LRRTM4: variants seen among roughly 807,000 people sequenced by gnomAD.
LRRTM4 encodes leucine-rich repeat transmembrane neuronal protein 4.
In LRRTM4, 25 loss-of-function variants were observed where a neutral mutation model predicts 47.6. That is an observed-to-expected ratio of 0.53 (90% CI 0.38 to 0.73). LRRTM4 has a LOEUF of 0.73. Ranked by LOEUF, LRRTM4 falls within the 30% of genes least tolerant of loss-of-function variation. LRRTM4 has a pLI of 0.00. For missense variants in LRRTM4, 638 were observed against 713.4 expected (o/e 0.89, Z 1.20); for synonymous variants, 311 against 269.5 (o/e 1.15, Z -1.51).
intron 3 of LRRTM4, among the ~76,000 whole-genome samples, chr2:76,843,400 A>C (rs933618620): frequency 1.6e-4 from 25 of 152,166 alleles, no homozygotes; most frequent in African/African-American, 4.6e-4. Flanking sequence ...CTGTTAGATA[A>C]TATATATCTA....
intron 3 of LRRTM4, among the ~76,000 whole-genome samples, chr2:77,375,415 C>A (rs1223389263): frequency 6.6e-6 from 1 of 151,646 alleles, no homozygotes; most frequent in Non-Finnish European, 1.5e-5. Flanking sequence ...TCCTTGCACA[C>A]CTTCTTGTTT....
rs925140014 is a variant in LRRTM4, at chr2:77,188,473, A to C, written c.1551+329845T>G. 6.6e-5 allele frequency among the ~76,000 whole-genome samples: 10 copies of C among 152,294 alleles called. No homozygotes were observed. In the East Asian group the frequency reaches 1.9e-3, roughly 29 times the overall value. ...CTAAATATTTGATCACCGTTTAAAA[A>C]ATGATTTGGTTCTTCCTCCTACTAA... On this transcript the variant is annotated intron_variant, in intron 3 of 3. Coordinates refer to ENST00000409884, the MANE Select transcript of LRRTM4 (RefSeq NM_001134745.3).
intron 3 of LRRTM4, among the ~76,000 whole-genome samples, chr2:77,260,210 T>TGTA (rs1338955014): frequency 6.6e-6 from 1 of 152,114 alleles, no homozygotes; most frequent in African/African-American, 2.4e-5. Context: ...GCACAGCTTA[T>TGTA]GTAGGTAAAG....
At chr2:76,904,628 A>T (rs867943158) in intron 3 of LRRTM4, among the ~76,000 whole-genome samples, 1 of 152,204 alleles carries the variant, frequency 6.6e-6, no homozygotes, top group Non-Finnish European at 1.5e-5. Context: ...ATAACTGAGC[A>T]GTGAGGAATC....
intron 3 of LRRTM4, among the ~76,000 whole-genome samples, chr2:77,070,712 CT>C (rs1274231918): frequency 6.6e-6 from 1 of 152,112 alleles, no homozygotes; most frequent in Admixed American, 6.5e-5. Flanking sequence ...CTCACTGCAT[CT>C]TCTGCCTCCC....
intron 3 of LRRTM4, among the ~76,000 whole-genome samples, chr2:76,870,364 T>A (rs949240432): frequency 6.6e-6 from 1 of 152,086 alleles, no homozygotes; most frequent in African/African-American, 2.4e-5. Context: ...TCTTGTACGG[T>A]TGAGTAATAA....
intron 3 of LRRTM4, among the ~76,000 whole-genome samples, chr2:77,336,964 A>T (rs1489780180): frequency 6.6e-6 from 1 of 152,156 alleles, no homozygotes; most frequent in Non-Finnish European, 1.5e-5. Context: ...CTAGACATAG[A>T]GCACTCAAGA....
chr2:77,392,772 G>A (rs1247760533), intron 3 of LRRTM4, among the ~76,000 whole-genome samples: 1 of 151,996 alleles, frequency 6.6e-6, no homozygotes, highest in Admixed American at 6.6e-5. Flanking sequence ...CAGTTACACA[G>A]GAGGAATATG....
chr2:77,081,481 TTAAA>T lies in LRRTM4; in HGVS notation c.1552-332569_1552-332566del, dbSNP rs1416746604. 5.3e-5 allele frequency among the ~76,000 whole-genome samples: 8 copies of T among 152,152 alleles called. 1 individual carries two copies. The Middle Eastern group carries it at 0.01, about 194-fold the overall frequency. On this transcript the variant is annotated intron_variant, in intron 3 of 3. Transcript: ENST00000409884. ...AAATAAAAATCACTGATATATATAT[TTAAA>T]TAAATGTGTAAGAAATTAATACATA...
chr2:76,816,819 GTTTTTTTTTTTTTTTTTTTTT>G (rs201525166), intron 3 of LRRTM4, among the ~76,000 whole-genome samples: 202 of 96,540 alleles, frequency 2.1e-3, no homozygotes, highest in African/African-American at 5.5e-3. Context: ...GAGGTAAAGA[GTTTTTTTTTTTTTTTTTTTTT>G]TTTTTTTTTT....
chr2:77,281,926 T>C (rs1231532400), intron 3 of LRRTM4, among the ~76,000 whole-genome samples: 3 of 151,892 alleles, frequency 2.0e-5, no homozygotes, highest in Admixed American at 6.6e-5. Flanking sequence ...AAAAAAATCA[T>C]TCACATTGTA....
chr2:77,022,151 A>C (rs1482783513), intron 3 of LRRTM4, among the ~76,000 whole-genome samples: 1 of 152,174 alleles, frequency 6.6e-6, no homozygotes, highest in Non-Finnish European at 1.5e-5. Flanking sequence ...TGGCGGCAAG[A>C]GAAAATGAGG....
At chr2:77,350,187 G>A (rs939201074) in intron 3 of LRRTM4, among the ~76,000 whole-genome samples, 6 of 149,990 alleles carry the variant, frequency 4.0e-5, no homozygotes, top group Admixed American at 6.7e-5. Flanking sequence ...TTAGCCGGGC[G>A]CGGTGGCGGG....
intron 3 of LRRTM4, among the ~76,000 whole-genome samples, chr2:76,827,773 C>T (rs767976585): frequency 2.6e-5 from 4 of 151,734 alleles, no homozygotes; most frequent in African/African-American, 4.8e-5. Flanking sequence ...CAAGATACTA[C>T]GTGCTTATGG....
chr2:77,043,713 C>T (rs187031092), intron 3 of LRRTM4, among the ~76,000 whole-genome samples: 18 of 151,750 alleles, frequency 1.2e-4, no homozygotes, highest in East Asian at 3.9e-4. Context: ...GATGATGAAT[C>T]GGGACTAGTC....
intron 3 of LRRTM4, among the ~76,000 whole-genome samples, chr2:76,829,335 T>A (rs1671270831): frequency 6.6e-6 from 1 of 151,946 alleles, no homozygotes; most frequent in South Asian, 2.1e-4. Context: ...GGGGAGGAGA[T>A]GCAAGGTAAG....
intron 3 of LRRTM4, among the ~76,000 whole-genome samples, chr2:77,506,441 T>A (rs1300405031): frequency 6.6e-6 from 1 of 151,768 alleles, no homozygotes; most frequent in Admixed American, 6.6e-5. Flanking sequence ...CTTCAAAGAC[T>A]GTTTAGATTC....
chr2:77,201,672 A>T (rs920235111), intron 3 of LRRTM4, among the ~76,000 whole-genome samples: 3 of 152,120 alleles, frequency 2.0e-5, no homozygotes, highest in African/African-American at 4.8e-5. Flanking sequence ...TTAAAAAGTC[A>T]TAAGAGCAAA....
intron 3 of LRRTM4, among the ~76,000 whole-genome samples, chr2:77,085,177 A>G (rs1258835696): frequency 6.6e-6 from 1 of 151,994 alleles, no homozygotes; most frequent in Non-Finnish European, 1.5e-5. Context: ...ATTTTAGGCT[A>G]CTATTGGTCT....
Sources: allele counts gnomAD v4.1 joint callset (sites outside exome capture counted in the v4.1 genomes callset), GRCh38; gene constraint gnomAD v4.1.1; transcripts MANE v1.5; gene names NCBI Gene and HGNC (gene_info 2026-07-23, HGNC 2026-07-21).